PDE4D: variants seen among roughly 807,000 people sequenced by gnomAD.
PDE4D encodes the protein phosphodiesterase 4D.
Under a neutral mutation model 87.4 loss-of-function variants are expected in PDE4D, and 24 were observed. The ratio of observed to expected loss-of-function variants is 0.27; its 90% CI spans 0.20 to 0.39. The LOEUF (loss-of-function observed/expected upper bound fraction) is 0.39. PDE4D is among the 10% of genes least tolerant of loss of function. The probability of loss-of-function intolerance (pLI) is 1.00; values close to 1 mark genes in which losing one functional copy is unlikely to be tolerated. For synonymous variants in PDE4D, 384 were observed against 383.2 expected (o/e 1.00, Z -0.02); for missense variants, 714 against 1,041.0 (o/e 0.69, Z 4.32).
chr5:60,237,910 G>GA (rs539940757), intron 1 of PDE4D, among the ~76,000 whole-genome samples: 2 of 151,522 alleles, frequency 1.3e-5, no homozygotes, highest in Non-Finnish European at 3.0e-5. Flanking sequence ...AAATGTTGGG[G>GA]AAAAAAACAA....
intron 5 of PDE4D, among the ~76,000 whole-genome samples, chr5:59,072,949 A>T (rs1051727191): frequency 6.6e-6 from 1 of 152,206 alleles, no homozygotes. Flanking sequence ...GAATGTATGC[A>T]GGTCATGAAT....
At chr5:60,431,847 G>C (rs1474196796) in intron 1 of PDE4D, among the ~76,000 whole-genome samples, 1 of 152,258 alleles carries the variant, frequency 6.6e-6, no homozygotes, top group African/African-American at 2.4e-5. Flanking sequence ...GAGGCTGGCA[G>C]ATCACTCGCG....
intron 2 of PDE4D, among the ~76,000 whole-genome samples, chr5:60,081,209 T>C (rs1441578864): frequency 6.6e-6 from 1 of 152,152 alleles, no homozygotes; most frequent in Non-Finnish European, 1.5e-5. Context: ...TGTATTTCTG[T>C]GGGATTAGTG....
At chr5:60,201,602 C>G (rs554565954) in intron 1 of PDE4D, among the ~76,000 whole-genome samples, 1 of 152,118 alleles carries the variant, frequency 6.6e-6, no homozygotes, top group Non-Finnish European at 1.5e-5. Flanking sequence ...GATCATGAGT[C>G]CCACATTCCC....
intron 1 of PDE4D, among the ~76,000 whole-genome samples, chr5:59,812,529 C>T (rs1253177480): frequency 6.6e-6 from 1 of 152,026 alleles, no homozygotes; most frequent in Non-Finnish European, 1.5e-5. Flanking sequence ...AGAAATTAGC[C>T]AGGCGTGGTG....
chr5:59,689,747 A>T (rs576882879), intron 1 of PDE4D, among the ~76,000 whole-genome samples: 30 of 152,306 alleles, frequency 2.0e-4, no homozygotes, highest in Admixed American at 1.7e-3. Context: ...AAAGAAATAA[A>T]GGGTATTCAA....
intron 1 of PDE4D, among the ~76,000 whole-genome samples, chr5:59,453,976 A>T (rs1799533259): frequency 1.3e-5 from 2 of 152,208 alleles, no homozygotes; most frequent in South Asian, 4.1e-4. Context: ...AATGCAGCTG[A>T]GGGCTTTAAG....
intron 1 of PDE4D, among the ~76,000 whole-genome samples, chr5:59,349,691 T>C (rs1323711753): frequency 6.6e-6 from 1 of 152,168 alleles, no homozygotes; most frequent in African/African-American, 2.4e-5. Flanking sequence ...ACACTGATGA[T>C]CAGAAATATC....
rs180772182 is a variant in PDE4D, at chr5:60,082,270, G to A, written c.43-93553C>T. Among the ~76,000 whole-genome samples the A allele has an allele frequency of 5.2e-3, 798 of 152,200 alleles. 7 individuals carry two copies. The highest frequency in any genetic ancestry group is 8.3e-3 in the Admixed American group (127 of 15,284). The stretch of plus-strand genomic sequence containing the variant: ...AATGGGATTAATACCCTTATAAGAA[G>A]AAATAAGAAATCCTGCTTCCTCTCT... On this transcript the variant is annotated intron_variant, in intron 2 of 16. Coordinates refer to the PDE4D transcript ENST00000502484.
At chr5:59,042,928 C>T (rs1455239736) in intron 5 of PDE4D, among the ~76,000 whole-genome samples, 2 of 152,172 alleles carry the variant, frequency 1.3e-5, no homozygotes, top group Non-Finnish European at 2.9e-5. Flanking sequence ...AAAGTAATCA[C>T]CTCAGAGCCA....
chr5:60,070,582 G>C (rs1480036335), intron 2 of PDE4D, among the ~76,000 whole-genome samples: 2 of 151,924 alleles, frequency 1.3e-5, no homozygotes, highest in Non-Finnish European at 2.9e-5. Context: ...ATGTGCTCTT[G>C]GATTCAGTTT....
chr5:59,156,320 A>ATATATATATATATATATATAT (rs1554082852), intron 5 of PDE4D, among the ~76,000 whole-genome samples: 21 of 81,752 alleles, frequency 2.6e-4, no homozygotes, highest in African/African-American at 8.2e-4. Flanking sequence ...AAAAAAAAAA[A>ATATATATATATATATATATAT]ATATATATAT....
intron 3 of PDE4D, among the ~76,000 whole-genome samples, chr5:59,943,431 T>C (rs1757393415): frequency 6.6e-6 from 1 of 152,206 alleles, no homozygotes; most frequent in Non-Finnish European, 1.5e-5. Flanking sequence ...CTAAACTCTC[T>C]ACTCTTCCAT....
rs200929738 is a variant in PDE4D at position 59,017,031 on chromosome 5, G to A, written c.921+21828C>T. ...GAAGGTGGTATTTGGGAAGAGACTC[G>A]AATGCCTAGAATAAGCCAACCAGAT... On this transcript the variant is annotated intron_variant, in intron 6 of 14. Coordinates refer to ENST00000340635, the MANE Select transcript of PDE4D (RefSeq NM_001104631.2). Among the ~76,000 whole-genome samples the A allele has an allele frequency of 3.3e-5, 5 of 152,166 alleles. No homozygotes were observed. The East Asian group carries it at 5.8e-4, about 18-fold the overall frequency.
chr5:60,049,012 A>G (rs1018571619), intron 2 of PDE4D, among the ~76,000 whole-genome samples: 5 of 152,110 alleles, frequency 3.3e-5, no homozygotes, highest in South Asian at 2.1e-4. Context: ...CCAATCAGAC[A>G]TAGATTTGGT....
intron 2 of PDE4D, among the ~76,000 whole-genome samples, chr5:60,013,809 A>G (rs1017556267): frequency 1.7e-4 from 26 of 152,156 alleles, no homozygotes; most frequent in African/African-American, 5.8e-4. Context: ...GTGCTTGCAC[A>G]TTGGGCAGGC....
In PDE4D at chr5:59,489,099, A is replaced by G. The variant is rs147244211; in HGVS notation, c.456-273131T>C. 3.2e-3 allele frequency among the ~76,000 whole-genome samples: 481 copies of G among 152,120 alleles called. 2 individuals are homozygous for G. Among genetic ancestry groups the G allele is most frequent in the Non-Finnish European group, 4.3e-3 (293 of 67,974 alleles). ...CAAGAGATAGAGACCATCCTGGACA[A>G]TATGGTGAAACCCCATCTCTACTAA... On this transcript the variant is annotated intron_variant, in intron 1 of 14. Coordinates refer to ENST00000340635, the MANE Select transcript of PDE4D (RefSeq NM_001104631.2).
chr5:59,112,245 A>C (rs765584235), intron 5 of PDE4D, among the ~76,000 whole-genome samples: 1 of 152,192 alleles, frequency 6.6e-6, no homozygotes, highest in Non-Finnish European at 1.5e-5. Context: ...AAGGAGGCTA[A>C]TGGGCTGGAG....
chr5:60,348,645 A>T lies in PDE4D; in HGVS notation c.-90+139297T>A, dbSNP rs868271671. The stretch of plus-strand genomic sequence containing the variant: ...AACTGCTTAAAATTTCATTTTTAAT[A>T]TGATGACTTTCATGGAACTCTAGAA... On this transcript the variant is annotated intron_variant, in intron 1 of 16. Coordinates refer to the PDE4D transcript ENST00000502484. 3.3e-5 allele frequency among the ~76,000 whole-genome samples: 5 copies of T among 152,274 alleles called. 1 individual carries two copies. In the Middle Eastern group the frequency reaches 0.014, roughly 414 times the overall value.
Sources: gnomAD v4.1 joint callset for allele counts (sites outside exome capture counted in the v4.1 genomes callset) on GRCh38, gnomAD v4.1.1 for gene constraint, MANE v1.5 for transcripts, NCBI Gene and HGNC (gene_info 2026-07-23, HGNC 2026-07-21) for gene names.